Variants in SSH2 observed in about 807,000 individuals in gnomAD.
SSH2 encodes the protein protein phosphatase Slingshot homolog 2.
In SSH2, 37 loss-of-function variants were observed where a neutral mutation model predicts 135.2. That is an observed-to-expected ratio of 0.27 (90% CI 0.21 to 0.36). The LOEUF (loss-of-function observed/expected upper bound fraction) is 0.36. Ranked by LOEUF, SSH2 falls within the 10% of genes least tolerant of loss-of-function variation. The probability of loss-of-function intolerance (pLI) is 1.00; values close to 1 mark genes in which losing one functional copy is unlikely to be tolerated. For missense variants in SSH2, 1,408 were observed against 1,765.3 expected (o/e 0.80, Z 3.63); for synonymous variants, 628 against 646.2 (o/e 0.97, Z 0.43).
intron 3 of SSH2, among the ~76,000 whole-genome samples, chr17:29,710,999 C>T (rs2039413772): frequency 6.6e-6 from 1 of 152,188 alleles, no homozygotes; most frequent in Admixed American, 6.5e-5. Context: ...GGAACCCTCT[C>T]CCTGAGGGCA....
intron 11 of SSH2, among the ~76,000 whole-genome samples, chr17:29,663,649 C>A (rs2037146437): frequency 6.6e-6 from 1 of 152,126 alleles, no homozygotes; most frequent in Non-Finnish European, 1.5e-5. Context: ...AAGAGATTTT[C>A]CTTTGTTCAA....
intron 1 of SSH2, among the ~76,000 whole-genome samples, chr17:29,892,647 A>G (rs2066371840): frequency 6.6e-6 from 1 of 152,132 alleles, no homozygotes; most frequent in Non-Finnish European, 1.5e-5. Context: ...AAATTAAAAT[A>G]AAATAAAAAG....
Position 29,703,073 on chromosome 17 carries a change from A to G in SSH2, c.189-11T>C. ...AAGCTCTCGCTGATGCTACAAGGAAAAAGTCAAAAGAAAATAAATTACTTA... is the reference window on the plus strand; with the variant it reads ...AAGCTCTCGCTGATGCTACAAGGAAGAAGTCAAAAGAAAATAAATTACTTA... On this transcript the variant is annotated splice_polypyrimidine_tract_variant and intron_variant, in intron 3 of 15. Coordinates refer to ENST00000540801, the MANE Select transcript of SSH2 (RefSeq NM_001282129.2). 2 of 1,581,592 alleles carry G rather than the reference A, an allele frequency of 1.3e-6. No individual in the cohort carries two copies. Among genetic ancestry groups the G allele is most frequent in the Non-Finnish European group, 1.7e-6 (2 of 1,150,580 alleles).
At chr17:29,861,048 T>C (rs2065756117) in intron 1 of SSH2, among the ~76,000 whole-genome samples, 1 of 152,176 alleles carries the variant, frequency 6.6e-6, no homozygotes. Flanking sequence ...TCCAGCCCTT[T>C]GGCCCACTTT....
At chr17:29,721,107 C>G (rs2039808432) in intron 3 of SSH2, among the ~76,000 whole-genome samples, 1 of 152,110 alleles carries the variant, frequency 6.6e-6, no homozygotes, top group African/African-American at 2.4e-5. Context: ...TCTTGGGGAG[C>G]TGGGGACAAA....
At chr17:29,913,347 A>AAATTATATATATAT in intron 1 of SSH2, among the ~76,000 whole-genome samples, 3 of 28,786 alleles carry the variant, frequency 1.0e-4, no homozygotes, top group African/African-American at 1.2e-4. Context: ...AAAAAAAAAA[A>AAATTATATATATAT]ATATATATAT....
At chr17:29,923,200 G>A (rs767979223) in intron 1 of SSH2, among the ~76,000 whole-genome samples, 4 of 152,164 alleles carry the variant, frequency 2.6e-5, no homozygotes, top group African/African-American at 4.8e-5. Flanking sequence ...GTGAGCCACC[G>A]TGGCTGGCCT....
intron 3 of SSH2, among the ~76,000 whole-genome samples, chr17:29,733,175 C>T (rs1350084515): frequency 1.3e-5 from 2 of 152,198 alleles, no homozygotes; most frequent in Non-Finnish European, 2.9e-5. Context: ...AGAGCTCACT[C>T]ACAGATTTAG....
At chr17:29,696,624 C>A (rs369084482) in intron 4 of SSH2, among the ~76,000 whole-genome samples, 2 of 45,048 alleles carry the variant, frequency 4.4e-5, no homozygotes, top group African/African-American at 9.7e-5. Flanking sequence ...TATATATATA[C>A]ACACACACAC....
chr17:29,691,474 T>C (rs1244505172), intron 5 of SSH2, among the ~76,000 whole-genome samples: 1 of 143,508 alleles, frequency 7.0e-6, no homozygotes, highest in Non-Finnish European at 1.5e-5. Context: ...AGGAAAAGAT[T>C]GGCTTTGTCC....
chr17:29,773,584 T>C (rs181870916), intron 3 of SSH2, among the ~76,000 whole-genome samples: 1 of 152,370 alleles, frequency 6.6e-6, no homozygotes, highest in African/African-American at 2.4e-5. Flanking sequence ...CTCCATCAGA[T>C]GGTTTACACA....
At chr17:29,851,896 G>C (rs986212268) in intron 1 of SSH2, among the ~76,000 whole-genome samples, 1 of 152,100 alleles carries the variant, frequency 6.6e-6, no homozygotes, top group Non-Finnish European at 1.5e-5. Context: ...GACCTGAAGA[G>C]AGAAAAGTAA....
intron 3 of SSH2, among the ~76,000 whole-genome samples, chr17:29,703,470 C>T (rs559490428): frequency 5.1e-4 from 77 of 152,242 alleles, no homozygotes; most frequent in African/African-American, 1.8e-3. Context: ...TGGTCTCAAA[C>T]TCCTGACCTC....
intron 1 of SSH2, among the ~76,000 whole-genome samples, chr17:29,892,612 T>G (rs2066370826): frequency 6.6e-6 from 1 of 152,132 alleles, no homozygotes; most frequent in South Asian, 2.1e-4. Context: ...CGACCATGAC[T>G]GACTAGCTTA....
intron 1 of SSH2, among the ~76,000 whole-genome samples, chr17:29,922,130 A>G (rs1033128848): frequency 1.3e-5 from 2 of 152,140 alleles, no homozygotes; most frequent in Admixed American, 6.6e-5. Context: ...AAAGTGTTCC[A>G]GGTAAAGGAA....
intron 2 of SSH2, among the ~76,000 whole-genome samples, chr17:29,834,846 C>G (rs2042917017): frequency 6.6e-6 from 1 of 152,098 alleles, no homozygotes; most frequent in Non-Finnish European, 1.5e-5. Context: ...TTAAGTTTTT[C>G]ACTTTAATGG....
intron 4 of SSH2, among the ~76,000 whole-genome samples, chr17:29,696,881 T>C (rs1483028107): frequency 1.3e-5 from 2 of 151,804 alleles, no homozygotes; most frequent in Non-Finnish European, 2.9e-5. Context: ...AGATGGGGTT[T>C]CACCGTGTTA....
intron 1 of SSH2, 33 bp downstream of exon 1, chr17:29,929,905 A>C (rs1195968871): frequency 6.4e-7 from 1 of 1,561,932 alleles, no homozygotes; most frequent in South Asian, 1.2e-5. Flanking sequence ...GCAGTGACAG[A>C]AGCAAGCGGA....
At chr17:29,707,007 A>G (rs2039230032) in intron 3 of SSH2, 2 of 152,278 alleles carry the variant, frequency 1.3e-5, no homozygotes, top group South Asian at 4.1e-4. Flanking sequence ...CAAAAAAATT[A>G]GCCAGGCGTG....
Sources: allele counts gnomAD v4.1 joint callset (sites outside exome capture counted in the v4.1 genomes callset), GRCh38; gene constraint gnomAD v4.1.1; transcripts MANE v1.5; gene names NCBI Gene and HGNC (gene_info 2026-07-23, HGNC 2026-07-21).